DPF3: variants seen among roughly 807,000 people sequenced by gnomAD.
The protein encoded by DPF3 is zinc finger protein DPF3.
Under a neutral mutation model 56.8 loss-of-function variants are expected in DPF3, and 18 were observed. The observed-to-expected ratio is 0.32, with a 90% CI of 0.22 to 0.47. The LOEUF is 0.47. Ranked by LOEUF, DPF3 falls within the 20% of genes least tolerant of loss-of-function variation. The pLI is 1.00. For synonymous variants in DPF3, 188 were observed against 180.2 expected (o/e 1.04, Z -0.35); for missense variants, 403 against 488.8 (o/e 0.82, Z 1.65).
intron 6 of DPF3, among the ~76,000 whole-genome samples, chr14:72,697,049 CT>C (rs1375425403): frequency 9.5e-6 from 1 of 105,728 alleles, no homozygotes; most frequent in Non-Finnish European, 2.1e-5. Flanking sequence ...GCCTTGAGAC[CT>C]TTGTTCAGTT....
At chr14:72,802,720 T>A (rs909596314) in intron 1 of DPF3, among the ~76,000 whole-genome samples, 2 of 152,230 alleles carry the variant, frequency 1.3e-5, no homozygotes, top group Non-Finnish European at 2.9e-5. Context: ...CATTTGTATA[T>A]TTTCAGATAC....
At chr14:72,868,085 G>C (rs1752120017) in intron 1 of DPF3, among the ~76,000 whole-genome samples, 1 of 152,102 alleles carries the variant, frequency 6.6e-6, no homozygotes, top group Admixed American at 6.5e-5. Context: ...ACCCTTTCAT[G>C]TACTAACTAG....
At chr14:72,786,986 G>A (rs944223337) in intron 1 of DPF3, among the ~76,000 whole-genome samples, 1 of 152,254 alleles carries the variant, frequency 6.6e-6, no homozygotes, top group African/African-American at 2.4e-5. Flanking sequence ...GGCTGCTGCT[G>A]AGGCAGCTGA....
chr14:72,835,160 C>T lies in DPF3; in HGVS notation c.32+58897G>A, dbSNP rs531766355. On this transcript the variant is annotated intron_variant, in intron 1 of 10. Coordinates refer to ENST00000556509, the MANE Select transcript of DPF3 (RefSeq NM_001280542.3). ...TAGGCTCACTGCAACCACCGCCTCCCGGGTTCAAGCAATTCTCCTGCCTCA... is the reference window on the plus strand; with the variant it reads ...TAGGCTCACTGCAACCACCGCCTCCTGGGTTCAAGCAATTCTCCTGCCTCA... Among the ~76,000 whole-genome samples the T allele has an allele frequency of 8.5e-5, 13 of 152,182 alleles. No individual in the cohort carries two copies. The East Asian group carries it at 1.5e-3, about 18-fold the overall frequency.
intron 1 of DPF3, among the ~76,000 whole-genome samples, chr14:72,793,006 T>C (rs1282107713): frequency 6.6e-6 from 1 of 151,982 alleles, no homozygotes. Flanking sequence ...ATTTGAATGC[T>C]CTCACTCCAA....
intron 4 of DPF3, among the ~76,000 whole-genome samples, chr14:72,724,915 G>A (rs536659358): frequency 1.3e-5 from 2 of 151,826 alleles, no homozygotes; most frequent in Admixed American, 6.6e-5. Context: ...TATGTTGCCC[G>A]GGCTGACCTC....
intron 5 of DPF3, among the ~76,000 whole-genome samples, chr14:72,719,222 G>A (rs190498014): frequency 1.2e-4 from 18 of 151,684 alleles, no homozygotes; most frequent in African/African-American, 3.6e-4. Flanking sequence ...GGTGCACACC[G>A]CTCTGCCTGG....
chr14:72,702,195 G>T (rs997175397), intron 6 of DPF3, among the ~76,000 whole-genome samples: 3 of 151,626 alleles, frequency 2.0e-5, no homozygotes, highest in Non-Finnish European at 2.9e-5. Flanking sequence ...CCAACGGCCT[G>T]GGGCTGACTG....
intron 1 of DPF3, among the ~76,000 whole-genome samples, chr14:72,802,250 G>A (rs913090410): frequency 7.0e-4 from 106 of 152,274 alleles, no homozygotes; most frequent in South Asian, 4.1e-4. Context: ...CAGGACCAGC[G>A]AGTGCAGAGT....
chr14:72,725,596 C>T (rs1295248714), intron 4 of DPF3, among the ~76,000 whole-genome samples: 1 of 152,076 alleles, frequency 6.6e-6, no homozygotes, highest in Non-Finnish European at 1.5e-5. Flanking sequence ...GAACAAGTAC[C>T]ATACTACACA....
intron 1 of DPF3, among the ~76,000 whole-genome samples, chr14:72,865,164 CATTT>C (rs1342405566): frequency 6.6e-6 from 1 of 152,148 alleles, no homozygotes; most frequent in Non-Finnish European, 1.5e-5. Flanking sequence ...TCCACTCATT[CATTT>C]ATCTTTTTGA....
intron 1 of DPF3, among the ~76,000 whole-genome samples, chr14:72,832,303 T>A (rs994798841): frequency 2.0e-5 from 3 of 152,230 alleles, no homozygotes; most frequent in African/African-American, 4.8e-5. Context: ...AAAATTTTTT[T>A]AAAAAAATCA....
chr14:72,890,216 C>T (rs1453297555), intron 1 of DPF3, among the ~76,000 whole-genome samples: 4 of 152,132 alleles, frequency 2.6e-5, no homozygotes, highest in African/African-American at 9.7e-5. Flanking sequence ...TGTGGCCAGA[C>T]ATCGTGGCTC....
chr14:72,756,822 CAGAAAGAAAGAAAGAAAGAAAGAAAGAA>C (rs71109746), intron 2 of DPF3, among the ~76,000 whole-genome samples: 4 of 70,008 alleles, frequency 5.7e-5, no homozygotes, highest in Non-Finnish European at 1.0e-4. Context: ...GAAAGAAAGA[CAGAAAGAAAGAAAGAAAGAAAGAAAGAA>C]AGAAAGAAAG....
intron 3 of DPF3, among the ~76,000 whole-genome samples, chr14:72,733,850 C>T (rs1346402593): frequency 6.6e-6 from 1 of 152,160 alleles, no homozygotes; most frequent in African/African-American, 2.4e-5. Flanking sequence ...AAGCGGCAAG[C>T]GGGCATCCAT....
rs867895255 is a variant in DPF3 at position 72,892,401 on chromosome 14, C to A, written c.32+1656G>T. On this transcript the variant is annotated intron_variant, in intron 1 of 10. Coordinates refer to ENST00000556509, the MANE Select transcript of DPF3 (RefSeq NM_001280542.3). Reference sequence around the variant, plus strand: ...AGCGCAGTGTATCCGAGCTTCCGAGCCAGAACTGAAGCCAGGAGCTCCTAT... The same window carrying A: ...AGCGCAGTGTATCCGAGCTTCCGAGACAGAACTGAAGCCAGGAGCTCCTAT... The A allele has an allele frequency of 2.0e-5, 30 of 1,504,702 alleles. No individual in the cohort carries two copies. The African/African-American group carries it at 3.0e-4, about 15-fold the overall frequency. The allele number at this position is 1,504,702 out of a possible 1,614,324, so 93.2% of individuals were successfully genotyped here.
chr14:72,877,279 T>C (rs925280608), intron 1 of DPF3, among the ~76,000 whole-genome samples: 3 of 152,258 alleles, frequency 2.0e-5, no homozygotes, highest in Admixed American at 2.0e-4. Context: ...GAGTGGGCTG[T>C]CCAGGGCTGC....
At chr14:72,685,454 A>G (rs893605710) in intron 7 of DPF3, among the ~76,000 whole-genome samples, 1 of 152,204 alleles carries the variant, frequency 6.6e-6, no homozygotes, top group Non-Finnish European at 1.5e-5. Context: ...AATGCCTGAC[A>G]CTTACTAGTT....
intron 1 of DPF3, among the ~76,000 whole-genome samples, chr14:72,837,447 T>C (rs1374789729): frequency 6.6e-6 from 1 of 151,742 alleles, no homozygotes; most frequent in Non-Finnish European, 1.5e-5. Context: ...GAACTAATAA[T>C]AGGATCATGG....
Sources: allele counts gnomAD v4.1 joint callset (sites outside exome capture counted in the v4.1 genomes callset), GRCh38; gene constraint gnomAD v4.1.1; transcripts MANE v1.5; gene names NCBI Gene and HGNC (gene_info 2026-07-23, HGNC 2026-07-21).